CNNM2: variants seen among roughly 807,000 people sequenced by gnomAD.
CNNM2 encodes the protein metal transporter CNNM2.
CNNM2 carries 12 observed loss-of-function variants against 66.9 expected under a neutral mutation model. That is an observed-to-expected ratio of 0.18 (90% CI 0.11 to 0.29). The LOEUF (loss-of-function observed/expected upper bound fraction) is 0.29, where lower values mean the gene tolerates loss of function less well. Ranked by LOEUF, CNNM2 falls within the 10% of genes least tolerant of loss-of-function variation. CNNM2 has a pLI of 1.00. For missense variants in CNNM2, 705 were observed against 1,167.7 expected (o/e 0.60, Z 5.77); for synonymous variants, 557 against 501.8 (o/e 1.11, Z -1.47).
At chr10:102,934,738 G>A (rs570459446) in intron 1 of CNNM2, among the ~76,000 whole-genome samples, 1 of 152,282 alleles carries the variant, frequency 6.6e-6, no homozygotes, top group Non-Finnish European at 1.5e-5. Context: ...TGGCTACTTG[G>A]GAGGCTGAGG....
intron 7 of CNNM2, 149 bp from the exon 8 acceptor site, chr10:103,076,822 T>C: frequency 1.5e-6 from 1 of 688,818 alleles, no homozygotes; most frequent in Non-Finnish European, 2.5e-6. Flanking sequence ...AAAGTCAACT[T>C]GAACTTGACA....
At chr10:103,049,910 G>T (rs889283899) in intron 2 of CNNM2, 60 bp downstream of exon 2, 2 of 1,557,190 alleles carry the variant, frequency 1.3e-6, no homozygotes, top group Admixed American at 3.4e-5. Flanking sequence ...TGTGCTGTTT[G>T]TGAGTCTTCT....
intron 1 of CNNM2, among the ~76,000 whole-genome samples, chr10:103,012,312 T>TTA: frequency 6.6e-6 from 1 of 152,304 alleles, no homozygotes; most frequent in East Asian, 1.9e-4. Flanking sequence ...AGGAGAGATT[T>TTA]TATGTAATTT....
At chr10:102,930,530 T>C (rs1331900782) in intron 1 of CNNM2, among the ~76,000 whole-genome samples, 3 of 152,226 alleles carry the variant, frequency 2.0e-5, no homozygotes, top group Admixed American at 6.5e-5. Context: ...CAGTTGGTTC[T>C]TTTTTAAAAT....
At chr10:103,061,042 C>T (rs184484974) in intron 4 of CNNM2, among the ~76,000 whole-genome samples, 2 of 152,136 alleles carry the variant, frequency 1.3e-5, no homozygotes, top group Admixed American at 6.5e-5. Flanking sequence ...GAAAATAGAA[C>T]TATAATTATG....
intron 1 of CNNM2, among the ~76,000 whole-genome samples, chr10:102,959,879 C>T (rs1432270313): frequency 1.3e-5 from 2 of 151,940 alleles, no homozygotes; most frequent in African/African-American, 4.8e-5. Flanking sequence ...GGTGAAACCC[C>T]GTCTCTACTA....
chr10:103,013,779 A>G lies in CNNM2; in HGVS notation c.1622-35928A>G, dbSNP rs563206648. 2.2e-4 allele frequency among the ~76,000 whole-genome samples: 34 copies of G among 152,340 alleles called. No individual in the cohort carries two copies. In the South Asian group the frequency reaches 6.8e-3, roughly 31 times the overall value. On this transcript the variant is annotated intron_variant, in intron 1 of 7. Coordinates refer to ENST00000369878, the MANE Select transcript of CNNM2 (RefSeq NM_017649.5). The stretch of plus-strand genomic sequence containing the variant: ...CCTAGATTGAATGAGTTAAGGTTGT[A>G]TTATACTTTAGTTCAGAAACAAGTT...
At chr10:102,937,561 G>T (rs943411127) in intron 1 of CNNM2, among the ~76,000 whole-genome samples, 3 of 152,074 alleles carry the variant, frequency 2.0e-5, no homozygotes, top group African/African-American at 7.2e-5. Context: ...AAAGATAAAA[G>T]GAGTGTTCTG....
intron 1 of CNNM2, among the ~76,000 whole-genome samples, chr10:102,962,690 CTG>C (rs10580172): frequency 0.17 from 24,015 of 143,632 alleles, 2,032 homozygotes; most frequent in East Asian, 0.2. Flanking sequence ...ATATGATATA[CTG>C]TGTGTGTGTG....
intron 4 of CNNM2, among the ~76,000 whole-genome samples, chr10:103,063,978 G>C (rs146600755): frequency 4.6e-5 from 7 of 152,168 alleles, no homozygotes; most frequent in Non-Finnish European, 1.5e-5. Flanking sequence ...CCACTAACAC[G>C]TAAATGAATA....
chr10:103,088,866 C>T lies in CNNM2; in HGVS notation c.*11686C>T, dbSNP rs944831695. On this transcript the variant is annotated 3_prime_UTR_variant, in exon 8 of 8. Transcript: ENST00000369878. Reference sequence around the variant, plus strand: ...GCATGAGCCACAGCTATATAGCCCACACTAATGCATGTTCTGTAGTATAAG... The same window carrying T: ...GCATGAGCCACAGCTATATAGCCCATACTAATGCATGTTCTGTAGTATAAG... The T allele has an allele frequency of 1.5e-5, 3 of 203,340 alleles. No homozygotes were observed. The highest frequency in any genetic ancestry group is 4.6e-5 in the African/African-American group (2 of 43,650). The allele number at this position is 203,340 out of a possible 1,614,324, so 12.6% of individuals were successfully genotyped here.
intron 1 of CNNM2, among the ~76,000 whole-genome samples, chr10:102,932,636 A>T (rs1846101114): frequency 6.6e-6 from 1 of 152,056 alleles, no homozygotes; most frequent in Non-Finnish European, 1.5e-5. Context: ...ATCAATTGGT[A>T]ACCAGGCACG....
chr10:102,936,616 T>C (rs1220554430), intron 1 of CNNM2, among the ~76,000 whole-genome samples: 8 of 152,044 alleles, frequency 5.3e-5, no homozygotes, highest in African/African-American at 9.7e-5. Flanking sequence ...AATACTCTTT[T>C]AATCATATTT....
At chr10:102,935,818 T>C (rs1846219466) in intron 1 of CNNM2, among the ~76,000 whole-genome samples, 2 of 140,334 alleles carry the variant, frequency 1.4e-5, no homozygotes, top group Admixed American at 1.5e-4. Context: ...AAAGTGTCGC[T>C]ATGTTGCCCA....
intron 1 of CNNM2, among the ~76,000 whole-genome samples, chr10:102,975,706 G>C (rs1393410760): frequency 1.3e-5 from 2 of 152,152 alleles, no homozygotes; most frequent in Non-Finnish European, 2.9e-5. Flanking sequence ...ACAACACTAA[G>C]TGATTGATCT....
At chr10:103,007,361 G>A (rs974937791) in intron 1 of CNNM2, among the ~76,000 whole-genome samples, 2 of 152,110 alleles carry the variant, frequency 1.3e-5, no homozygotes, top group African/African-American at 4.8e-5. Flanking sequence ...AGAAAACAGG[G>A]CTCCAGAGCA....
At chr10:102,960,483 T>G (rs1034822799) in intron 1 of CNNM2, among the ~76,000 whole-genome samples, 1 of 152,270 alleles carries the variant, frequency 6.6e-6, no homozygotes. Context: ...ATAAAACTAC[T>G]GTTGACATTT....
At chr10:102,940,731 TA>T (rs1301264518) in intron 1 of CNNM2, among the ~76,000 whole-genome samples, 2 of 151,286 alleles carry the variant, frequency 1.3e-5, no homozygotes, top group Non-Finnish European at 2.9e-5. Context: ...ATTTTATTAT[TA>T]TTTTTTTGAG....
At chr10:103,049,627 G>A in intron 1 of CNNM2, 80 bp from the exon 2 acceptor site, 1 of 1,282,178 alleles carries the variant, frequency 7.8e-7, no homozygotes, top group Non-Finnish European at 1.1e-6. Flanking sequence ...GTGTTTGCTG[G>A]TGTTTTTACC....
Sources: gnomAD v4.1 joint callset for allele counts (sites outside exome capture counted in the v4.1 genomes callset) on GRCh38, gnomAD v4.1.1 for gene constraint, MANE v1.5 for transcripts, NCBI Gene and HGNC (gene_info 2026-07-23, HGNC 2026-07-21) for gene names.